The following OFD1 variants were observed in gnomAD, a reference collection of about 807,000 sequenced individuals.
OFD1 encodes centriole and centriolar satellite protein OFD1.
A neutral mutation model predicts 81.4 loss-of-function variants in OFD1; 12 were observed. That is an observed-to-expected ratio of 0.15 (90% CI 0.09 to 0.24). OFD1 has a LOEUF of 0.24. OFD1 is among the 10% of genes least tolerant of loss of function. The pLI is 1.00. For synonymous variants in OFD1, 256 were observed against 263.7 expected (o/e 0.97, Z 0.28); for missense variants, 685 against 733.9 (o/e 0.93, Z 0.77).
At chrX:13,740,025 T>C in intron 5 of OFD1, 2 of 927,823 alleles carry the variant, frequency 2.2e-6, no homozygotes, top group Non-Finnish European at 2.7e-6. Flanking sequence ...GACATTCATT[T>C]ATTCATCCAT....
At chrX:13,773,253 G>GA (rs1459030479), downstream of OFD1, 4 of 271,550 alleles carry the variant, frequency 1.5e-5, no homozygotes, top group African/African-American at 5.7e-5. Context: ...TAGTGAACTG[G>GA]AAAAAAATGG....
At chrX:13,761,316 T>G in intron 17 of OFD1, 105 bp downstream of exon 17, 3 of 852,971 alleles carry the variant, frequency 3.5e-6, no homozygotes, top group East Asian at 3.2e-5. Context: ...ATAATTATTA[T>G]AGATCATGTG....
chrX:13,716,772 TGTG>T, the OFD1 span: 2 of 994,387 alleles, frequency 2.0e-6, no homozygotes, highest in Non-Finnish European at 2.8e-6. Context: ...ATGGTTTTCT[TGTG>T]GGGAAAAAAC....
At chrX:13,737,252 G>GT (rs373562457) in intron 3 of OFD1, among the ~76,000 whole-genome samples, 9,262 of 98,611 alleles carry the variant, frequency 0.094, 353 homozygotes, top group African/African-American at 0.13. Flanking sequence ...AAAAACACTT[G>GT]TTTTTTTTTT....
chrX:13,723,357 G>A, the OFD1 span, among the ~76,000 whole-genome samples: 11 of 108,677 alleles, frequency 1.0e-4, no homozygotes, highest in African/African-American at 2.7e-4. Context: ...TAGTAGAGAC[G>A]GGGATTCACC....
intron 10 of OFD1, 74 bp downstream of exon 10, chrX:13,751,442 G>T: frequency 1.1e-6 from 1 of 883,686 alleles, no homozygotes; most frequent in Non-Finnish European, 1.6e-6. Context: ...AACTGACAAA[G>T]TAGTCTGTAA....
intron 19 of OFD1, among the ~76,000 whole-genome samples, chrX:13,764,082 G>A (rs1309280681): frequency 2.7e-5 from 3 of 111,658 alleles, no homozygotes; most frequent in Admixed American, 9.5e-5. Context: ...TGGAAGGAAA[G>A]GCTTCTCATT....
intron 2 of OFD1, among the ~76,000 whole-genome samples, chrX:13,735,718 C>T (rs962154409): frequency 5.4e-5 from 6 of 111,518 alleles, no homozygotes; most frequent in Non-Finnish European, 1.1e-4. Context: ...ACATTGACAC[C>T]ATATAGAAAA....
intron 17 of OFD1, among the ~76,000 whole-genome samples, chrX:13,761,933 A>G (rs1281755342): frequency 1.2e-5 from 1 of 86,822 alleles, no homozygotes; most frequent in African/African-American, 4.9e-5. Context: ...TTTTTGTGAT[A>G]AGCCAAAAGG....
At chrX:13,723,134 G>A in the OFD1 span, among the ~76,000 whole-genome samples, 7 of 106,800 alleles carry the variant, frequency 6.6e-5, no homozygotes, top group African/African-American at 2.0e-4. Flanking sequence ...TGAGAATGTA[G>A]AACTGAATTT....
Position 13,763,201 on chromosome X carries a change from C to G in OFD1, c.2489-544C>G, listed in dbSNP as rs1354496647. 8.0e-5 allele frequency among the ~76,000 whole-genome samples: 9 copies of G among 112,696 alleles called. No homozygotes were observed. In the Admixed American group the frequency reaches 8.4e-4, roughly 11 times the overall value. Reference sequence around the variant, plus strand: ...ACTGGTGTCCTGGCTATGGCCCTGCCTTAGACTGTCTTACTTTGTAGCCAC... The same window carrying G: ...ACTGGTGTCCTGGCTATGGCCCTGCGTTAGACTGTCTTACTTTGTAGCCAC... On this transcript the variant is annotated intron_variant, in intron 18 of 22. Coordinates refer to ENST00000340096, the MANE Select transcript of OFD1 (RefSeq NM_003611.3).
chrX:13,753,158 A>C, intron 10 of OFD1: 1 of 1,041,467 alleles, frequency 9.6e-7, no homozygotes, highest in Non-Finnish European at 1.2e-6. Flanking sequence ...GAGTTTTGGG[A>C]CCCAGTTTAT....
chrX:13,758,483 T>C (rs758442446), intron 15 of OFD1, 35 bp downstream of exon 15: 3 of 777,441 alleles, frequency 3.9e-6, no homozygotes, highest in Admixed American at 4.6e-5. Context: ...TATTTTTGTA[T>C]GTATAAAGCT....
intron 5 of OFD1, among the ~76,000 whole-genome samples, chrX:13,744,128 A>C (rs1335402896): frequency 9.0e-6 from 1 of 111,020 alleles, no homozygotes. Context: ...GTTTATACAA[A>C]AAGTAAAATT....
intron 6 of OFD1, 80 bp downstream of exon 6, chrX:13,744,599 T>A (rs2047223875): frequency 3.1e-6 from 2 of 645,654 alleles, no homozygotes; most frequent in Admixed American, 2.4e-5. Context: ...TACCATATTG[T>A]GTGATTGCTC....
Position 13,760,608 on chromosome X carries a change from A to T in OFD1, c.2148A>T (p.Ala716=). 1 of 1,211,063 alleles carries T rather than the reference A, an allele frequency of 8.3e-7. No homozygotes were observed. Among genetic ancestry groups the T allele is most frequent in the Non-Finnish European group, 1.1e-6 (1 of 895,123 alleles). ...AAGAAAGGAATGACGTCGTGGAAGC[A>T]CTGACAGGCAGTGCAGCCTCGAGGC... ...TLEERNDVVE[A]LTGSAASRLR... Residue 716 remains alanine (A), a synonymous_variant, in exon 16 of 23, where the codon GCA becomes GCT. Coordinates refer to ENST00000340096, the MANE Select transcript of OFD1 (RefSeq NM_003611.3).
At chrX:13,757,936 T>G in intron 14 of OFD1, 146 bp downstream of exon 14, 1 of 690,374 alleles carries the variant, frequency 1.4e-6, no homozygotes, top group Non-Finnish European at 2.2e-6. Flanking sequence ...TCCTTTCTCA[T>G]CTGAGAAAAT....
At chrX:13,755,318 T>G (rs2047661070) in intron 12 of OFD1, 76 bp downstream of exon 12, 1 of 710,291 alleles carries the variant, frequency 1.4e-6, no homozygotes, top group African/African-American at 2.1e-5. Flanking sequence ...TAATTTATCC[T>G]AAGTCATCCT....
intron 6 of OFD1, 97 bp from the exon 7 acceptor site, chrX:13,746,222 C>G (rs1035864035): frequency 2.6e-6 from 2 of 776,048 alleles, no homozygotes; most frequent in African/African-American, 2.0e-5. Flanking sequence ...CCTACACTTT[C>G]CCCTAAGTAT....
Sources: allele counts gnomAD v4.1 joint callset (sites outside exome capture counted in the v4.1 genomes callset), GRCh38; gene constraint gnomAD v4.1.1; transcripts MANE v1.5; gene names NCBI Gene and HGNC (gene_info 2026-07-23, HGNC 2026-07-21).